EYA2: variants seen among roughly 807,000 people sequenced by gnomAD.
EYA2 encodes EYA transcriptional coactivator and phosphatase 2, also known as protein phosphatase EYA2.
In EYA2, 31 loss-of-function variants were observed where a neutral mutation model predicts 69.2. The ratio of observed to expected loss-of-function variants is 0.45; its 90% CI spans 0.34 to 0.60. The LOEUF is 0.60. Ranked by LOEUF, EYA2 falls within the 20% of genes least tolerant of loss-of-function variation. EYA2 has a pLI of 0.02. For synonymous variants in EYA2, 257 were observed against 279.4 expected (o/e 0.92, Z 0.80); for missense variants, 622 against 701.2 (o/e 0.89, Z 1.28).
At chr20:47,029,816 G>A (rs1224039958) in intron 5 of EYA2, among the ~76,000 whole-genome samples, 1 of 152,078 alleles carries the variant, frequency 6.6e-6, no homozygotes, top group Non-Finnish European at 1.5e-5. Flanking sequence ...ATTGAACACA[G>A]TACAGTTACA....
At chr20:47,049,803 C>G (rs2030232080) in intron 5 of EYA2, among the ~76,000 whole-genome samples, 1 of 152,026 alleles carries the variant, frequency 6.6e-6, no homozygotes, top group Non-Finnish European at 1.5e-5. Context: ...TGATGACAAA[C>G]ACAGTCCCAC....
intron 1 of EYA2, among the ~76,000 whole-genome samples, chr20:46,916,088 G>A (rs775550006): frequency 2.0e-5 from 3 of 152,140 alleles, no homozygotes; most frequent in African/African-American, 4.8e-5. Context: ...AAGAGAATAC[G>A]TCAGTGTTGA....
intron 2 of EYA2, among the ~76,000 whole-genome samples, chr20:46,991,025 T>G (rs568989636): frequency 1.3e-5 from 2 of 152,316 alleles, no homozygotes; most frequent in East Asian, 3.9e-4. Context: ...ACTGCGCTGA[T>G]GAAAGTACCA....
intron 1 of EYA2, among the ~76,000 whole-genome samples, chr20:46,895,785 A>C (rs749396019): frequency 6.6e-6 from 1 of 152,208 alleles, no homozygotes. Flanking sequence ...TTATAAGCTC[A>C]AGGAATACTA....
rs1184232973 is a variant in EYA2, at chr20:47,153,191, T to TACAAA, written c.978+10060_978+10064dup. 5.9e-5 allele frequency among the ~76,000 whole-genome samples: 9 copies of TACAAA among 151,982 alleles called. 1 individual carries two copies. In the South Asian group the frequency reaches 1.9e-3, roughly 32 times the overall value. The stretch of plus-strand genomic sequence containing the variant: ...TCATGTGGTTTGCTCTTAATTAAAA[T>TACAAA]ACAAAACAAAACAAAACAAAAAACC... On this transcript the variant is annotated intron_variant, in intron 10 of 15. Coordinates refer to ENST00000327619, the MANE Select transcript of EYA2 (RefSeq NM_005244.5).
At chr20:47,114,371 T>A (rs1568786896) in intron 9 of EYA2, among the ~76,000 whole-genome samples, 1 of 152,128 alleles carries the variant, frequency 6.6e-6, no homozygotes, top group Non-Finnish European at 1.5e-5. Flanking sequence ...ATCCCAGCAC[T>A]TGGGAAGCTG....
At chr20:46,929,989 C>T (rs1479143479) in intron 1 of EYA2, among the ~76,000 whole-genome samples, 2 of 152,138 alleles carry the variant, frequency 1.3e-5, no homozygotes, top group Non-Finnish European at 2.9e-5. Flanking sequence ...TTTTCCATTG[C>T]TAAGATTTTG....
rs759181911 is a variant in EYA2, at chr20:47,035,843, G to GA, written c.415+19557dup. On this transcript the variant is annotated intron_variant, in intron 5 of 15. Coordinates refer to ENST00000327619, the MANE Select transcript of EYA2 (RefSeq NM_005244.5). ...AGCAACATGGCAAAACCCCGTCTCT[G>GA]AAAAAAAAAAAGAAAAAGGGGGCCA... 7.7e-3 allele frequency among the ~76,000 whole-genome samples: 1,100 copies of GA among 143,320 alleles called. 5 individuals carry two copies. The highest frequency in any genetic ancestry group is 0.021 in the Middle Eastern group (6 of 284). The allele number at this position is 143,320 out of a possible 152,430, so 94.0% of individuals were successfully genotyped here.
chr20:46,933,138 GT>G (rs1985745856), intron 1 of EYA2, among the ~76,000 whole-genome samples: 1 of 152,208 alleles, frequency 6.6e-6, no homozygotes, highest in South Asian at 2.1e-4. Context: ...GTGAACCTCA[GT>G]TTTTGCCCCT....
chr20:47,175,114 C>T (rs1394352443), intron 12 of EYA2, among the ~76,000 whole-genome samples: 1 of 152,208 alleles, frequency 6.6e-6, no homozygotes, highest in Non-Finnish European at 1.5e-5. Context: ...GGGGAGAGCA[C>T]CCAAGGCGTC....
In EYA2 at chr20:47,135,852, A is replaced by AAAAAAAAAAAAT. The variant is rs2033460330; in HGVS notation, c.889-7206_889-7205insAAAAAAAAAATA. On this transcript the variant is annotated intron_variant, in intron 9 of 15. Transcript: ENST00000327619. ...AAAAAAAAAAAAAAACAAACAAACA[A>AAAAAAAAAAAAT]ACAAAAAACTAATTAATTAATTAAT... 3.2e-5 allele frequency among the ~76,000 whole-genome samples: 2 copies of AAAAAAAAAAAAT among 62,478 alleles called. 1 individual carries two copies. The allele number at this position is 62,478 out of a possible 152,430, so 41.0% of individuals were successfully genotyped here. A position where few individuals can be genotyped will look rare whatever the true frequency, so the allele number is the denominator to read the frequency against.
chr20:47,134,495 A>T (rs1297609168), intron 9 of EYA2, among the ~76,000 whole-genome samples: 1 of 152,192 alleles, frequency 6.6e-6, no homozygotes, highest in African/African-American at 2.4e-5. Context: ...TTAAGCACTT[A>T]AACAGTCATT....
intron 1 of EYA2, among the ~76,000 whole-genome samples, chr20:46,946,855 G>A (rs936434207): frequency 3.4e-5 from 5 of 147,466 alleles, no homozygotes; most frequent in Admixed American, 6.8e-5. Flanking sequence ...TAAAGAGTCA[G>A]TTCTTCTTAC....
chr20:47,182,791 G>C (rs2034563442), intron 14 of EYA2, among the ~76,000 whole-genome samples: 1 of 151,852 alleles, frequency 6.6e-6, no homozygotes, highest in Admixed American at 6.6e-5. Flanking sequence ...ACAAAAATTA[G>C]CCAGGTGTGG....
chr20:47,138,652 G>A (rs1383131724), intron 9 of EYA2, among the ~76,000 whole-genome samples: 5 of 151,912 alleles, frequency 3.3e-5, no homozygotes, highest in African/African-American at 4.8e-5. Flanking sequence ...ATTACTTGGG[G>A]GCTGAGGCAG....
At chr20:47,060,067 A>C (rs1017098168) in intron 5 of EYA2, among the ~76,000 whole-genome samples, 1 of 152,206 alleles carries the variant, frequency 6.6e-6, no homozygotes, top group Non-Finnish European at 1.5e-5. Context: ...GAGATTTTAC[A>C]TACAAATCCA....
intron 4 of EYA2, among the ~76,000 whole-genome samples, chr20:47,008,161 C>G (rs189617779): frequency 6.6e-6 from 1 of 152,200 alleles, no homozygotes; most frequent in African/African-American, 2.4e-5. Context: ...TAGTCACCAT[C>G]GTTGACTTCC....
chr20:46,944,487 C>T (rs1365436423), intron 1 of EYA2, among the ~76,000 whole-genome samples: 1 of 152,232 alleles, frequency 6.6e-6, no homozygotes, highest in East Asian at 1.9e-4. Context: ...CTGGGCACTA[C>T]ACCAAGCACT....
chr20:47,183,805 C>T (rs1368736739), intron 15 of EYA2, among the ~76,000 whole-genome samples: 1 of 151,968 alleles, frequency 6.6e-6, no homozygotes, highest in Non-Finnish European at 1.5e-5. Context: ...GATCTCGGGC[C>T]CGTGAGGAGA....
Sources: allele counts gnomAD v4.1 joint callset (sites outside exome capture counted in the v4.1 genomes callset), GRCh38; gene constraint gnomAD v4.1.1; transcripts MANE v1.5; gene names NCBI Gene and HGNC (gene_info 2026-07-23, HGNC 2026-07-21).